Variants in PCDHA13 observed in about 807,000 individuals in gnomAD.
The protein encoded by PCDHA13 is protocadherin alpha-13.
A neutral mutation model predicts 64.8 loss-of-function variants in PCDHA13; 54 were observed. The observed-to-expected ratio is 0.83, with a 90% CI of 0.67 to 1.04. The LOEUF is 1.04. Among genes scored for constraint, PCDHA13 ranks in the 50% least tolerant of loss-of-function variants. PCDHA13 has a pLI of 0.00. For missense variants in PCDHA13, 1,248 were observed against 1,254.3 expected, an observed-to-expected ratio of 0.99 and a Z score of 0.08; for synonymous variants, 587 against 564.4, an observed-to-expected ratio of 1.04 and a Z score of -0.57.
intron 1 of PCDHA13, among the ~76,000 whole-genome samples, chr5:140,941,077 G>C (rs2092726978): frequency 6.6e-6 from 1 of 152,068 alleles, no homozygotes; most frequent in South Asian, 2.1e-4. Context: ...CTGGAGAGTA[G>C]GTGGGTTTAG....
chr5:141,008,579 T>C (rs1554261820), intron 3 of PCDHA13, among the ~76,000 whole-genome samples: 1 of 152,232 alleles, frequency 6.6e-6, no homozygotes, highest in African/African-American at 2.4e-5. Flanking sequence ...TTCCCAAGAC[T>C]CAGGGCAGAT....
intron 1 of PCDHA13, among the ~76,000 whole-genome samples, chr5:140,951,147 AATATAGT>A (rs1554219760): frequency 9.9e-6 from 1 of 100,716 alleles, no homozygotes; most frequent in African/African-American, 4.8e-5. Flanking sequence ...TATCTTATTG[AATATAGT>A]TATAGTAGCT....
intron 1 of PCDHA13, chr5:140,927,923 C>G: frequency 1.2e-6 from 2 of 1,614,232 alleles, no homozygotes; most frequent in Non-Finnish European, 1.7e-6. Context: ...GACTTCCTGA[C>G]TCTTTCGAAC....
At chr5:140,975,750 CTA>C (rs2096680444) in intron 1 of PCDHA13, among the ~76,000 whole-genome samples, 2 of 152,118 alleles carry the variant, frequency 1.3e-5, no homozygotes, top group African/African-American at 4.8e-5. Flanking sequence ...CTCAAATATT[CTA>C]TGTCATAAAT....
chr5:140,902,284 T>C (rs2069352303), intron 1 of PCDHA13, among the ~76,000 whole-genome samples: 2 of 149,984 alleles, frequency 1.3e-5, no homozygotes, highest in South Asian at 4.3e-4. Context: ...GCAATCCTCC[T>C]GCCTCAGCCT....
intron 1 of PCDHA13, chr5:140,930,381 A>G (rs569032116): frequency 2.0e-5 from 3 of 152,008 alleles, no homozygotes; most frequent in East Asian, 3.9e-4. Flanking sequence ...GGCCCTTGGC[A>G]TTTCAAAACT....
At chr5:140,963,594 C>G (rs549697848) in intron 1 of PCDHA13, among the ~76,000 whole-genome samples, 1 of 152,258 alleles carries the variant, frequency 6.6e-6, no homozygotes, top group South Asian at 2.1e-4. Flanking sequence ...GGATATAGTT[C>G]TAGACGTAAT....
intron 1 of PCDHA13, among the ~76,000 whole-genome samples, chr5:140,897,653 G>A (rs1446334429): frequency 1.3e-5 from 2 of 152,100 alleles, no homozygotes; most frequent in Non-Finnish European, 2.9e-5. Flanking sequence ...AAACATACGT[G>A]TGCATGTGTC....
At chr5:140,896,140 C>A (rs1415728420) in intron 1 of PCDHA13, among the ~76,000 whole-genome samples, 6 of 152,140 alleles carry the variant, frequency 3.9e-5, no homozygotes, top group Non-Finnish European at 7.4e-5. Flanking sequence ...ATCCAGTGCA[C>A]CATTGATGGG....
rs192014288 is a variant in PCDHA13, at chr5:140,938,120, T to A, written c.2395-40829T>A. Among the ~76,000 whole-genome samples the A allele has an allele frequency of 2.0e-3, 311 of 152,258 alleles. 6 individuals are homozygous for A. In the East Asian group the frequency reaches 0.05, roughly 25 times the overall value. ...GTATTTTTTACTTTCTCTCTTTTTT[T>A]AAAAAAATAGAGATAGAGTCTCACT... On this transcript the variant is annotated intron_variant, in intron 1 of 3. Transcript: ENST00000289272.
At chr5:140,920,011 C>T (rs782647025) in intron 1 of PCDHA13, among the ~76,000 whole-genome samples, 2 of 152,088 alleles carry the variant, frequency 1.3e-5, no homozygotes, top group Non-Finnish European at 2.9e-5. Context: ...AAAGGCCATG[C>T]GAAGATGGAG....
chr5:140,942,817 T>C (rs1479369594), intron 1 of PCDHA13, among the ~76,000 whole-genome samples: 2 of 152,160 alleles, frequency 1.3e-5, no homozygotes, highest in African/African-American at 4.8e-5. Context: ...ACTAGTTGGA[T>C]TTGGCCCTGT....
chr5:140,928,228 C>A (rs376517088), intron 1 of PCDHA13: 2 of 1,614,218 alleles, frequency 1.2e-6, no homozygotes, highest in Admixed American at 1.7e-5. Context: ...ACCAAACTTT[C>A]CTCAACCCCA....
At chr5:140,914,921 T>C (rs895344325) in intron 1 of PCDHA13, among the ~76,000 whole-genome samples, 1 of 151,508 alleles carries the variant, frequency 6.6e-6, no homozygotes, top group Non-Finnish European at 1.5e-5. Context: ...TGTGTCTTAT[T>C]GTACTATGTT....
chr5:140,937,130 C>T (rs899242411), intron 1 of PCDHA13, among the ~76,000 whole-genome samples: 12 of 151,674 alleles, frequency 7.9e-5, no homozygotes, highest in Non-Finnish European at 1.3e-4. Flanking sequence ...CTCCGCCTCC[C>T]GGGTTCATGC....
At chr5:140,920,425 C>T (rs1444166830) in intron 1 of PCDHA13, among the ~76,000 whole-genome samples, 1 of 151,960 alleles carries the variant, frequency 6.6e-6, no homozygotes, top group Non-Finnish European at 1.5e-5. Flanking sequence ...GCTGTTCTCC[C>T]ACACACCTCT....
Position 140,883,466 on chromosome 5 carries a change from A to T in PCDHA13, c.1198A>T (p.Thr400Ser). The change falls in exon 1 of 4, where the codon ACC (threonine) becomes TCC (serine). Residue 400 changes from threonine (T) to serine (S), a missense_variant. Transcript: ENST00000289272. ...GCATGTCCCCTTCAAGCTGGTGTCC[A>T]CCTACAAGAACTACTACTCATTAGT... ...TPHVPFKLVS[T>S]YKNYYSLVLD... is the part of the protein sequence containing the mutation. 1 of 1,614,128 alleles carries T rather than the reference A, an allele frequency of 6.2e-7. No individual in the cohort carries two copies. Among genetic ancestry groups the T allele is most frequent in the Non-Finnish European group, 8.5e-7 (1 of 1,180,026 alleles).
intron 1 of PCDHA13, among the ~76,000 whole-genome samples, chr5:140,897,549 T>C (rs1356591020): frequency 2.6e-5 from 4 of 152,140 alleles, no homozygotes; most frequent in African/African-American, 7.2e-5. Flanking sequence ...TAGTCTTCCA[T>C]GGTGTATATG....
chr5:140,884,510 T>G lies in PCDHA13; in HGVS notation c.2242T>G (p.Trp748Gly). 6.2e-7 allele frequency: 1 copy of G among 1,613,982 alleles called. No individual in the cohort carries two copies. The highest frequency in any genetic ancestry group is 8.5e-7 in the Non-Finnish European group (1 of 1,179,984). ...TLVCSSAAGS[W>G]SYSQQRRPRV... ...AGTGTGCTCCAGCGCGGCAGGGAGT[T>G]GGTCGTACTCGCAGCAGAGGCGGCC... The change falls in exon 1 of 4, where the codon TGG (tryptophan) becomes GGG (glycine). Residue 748 changes from tryptophan (W) to glycine (G), a missense_variant. Physicochemically the swap from Trp to Gly is radical, Grantham distance 184 (BLOSUM62 -2). Coordinates refer to ENST00000289272, the MANE Select transcript of PCDHA13 (RefSeq NM_018904.3).
Sources: gnomAD v4.1 joint callset for allele counts (sites outside exome capture counted in the v4.1 genomes callset) on GRCh38, gnomAD v4.1.1 for gene constraint, MANE v1.5 for transcripts, NCBI Gene and HGNC (gene_info 2026-07-23, HGNC 2026-07-21) for gene names.